Variants in PTPRG observed in about 807,000 individuals in gnomAD.
PTPRG encodes the protein receptor-type tyrosine-protein phosphatase gamma.
Under a neutral mutation model 165.3 loss-of-function variants are expected in PTPRG, and 102 were observed. That is an observed-to-expected ratio of 0.62 (90% CI 0.53 to 0.73). PTPRG has a LOEUF of 0.73. Ranked by LOEUF, PTPRG falls within the 30% of genes least tolerant of loss-of-function variation. The pLI, the probability that PTPRG is intolerant of heterozygous loss-of-function variation, is 0.00. For missense variants in PTPRG, 1,866 were observed against 1,861.4 expected (o/e 1.00, Z -0.05); for synonymous variants, 675 against 669.5 (o/e 1.01, Z -0.13).
chr3:62,006,146 G>A (rs1330326481), intron 4 of PTPRG, among the ~76,000 whole-genome samples: 1 of 152,116 alleles, frequency 6.6e-6, no homozygotes, highest in Non-Finnish European at 1.5e-5. Context: ...TTGTTTGGAT[G>A]TTTTTCTTTT....
intron 8 of PTPRG, among the ~76,000 whole-genome samples, chr3:62,188,789 A>G (rs536365256): frequency 2.0e-5 from 3 of 152,280 alleles, no homozygotes; most frequent in Non-Finnish European, 4.4e-5. Context: ...AGAATGAGGA[A>G]GATAAATAAG....
At chr3:62,164,213 A>G (rs1508400) in intron 7 of PTPRG, among the ~76,000 whole-genome samples, 2,742 of 152,264 alleles carry the variant, frequency 0.018, 36 homozygotes, top group Non-Finnish European at 0.03. Flanking sequence ...TGGTGGGCTT[A>G]TGGCACCTTT....
rs1463225452 is a variant in PTPRG at position 62,157,076 on chromosome 3, C to G, written c.692C>G (p.Thr231Ser). 6.2e-7 allele frequency: 1 copy of G among 1,604,362 alleles called. No homozygotes were observed. Among genetic ancestry groups the G allele is most frequent in the Admixed American group, 1.7e-5 (1 of 59,988 alleles). ...CTTTTTCCCCAAACAGAGAAGGAGACCTTTCTGGATCCTTTCGTCCTCCGG... is the reference window on the plus strand; with the variant it reads ...CTTTTTCCCCAAACAGAGAAGGAGAGCTTTCTGGATCCTTTCGTCCTCCGG... Reference protein sequence around the residue: ...LKGVVHHEKETFLDPFVLRDL... With the variant: ...LKGVVHHEKESFLDPFVLRDL... Residue 231 changes from threonine (T) to serine (S), a missense_variant, in exon 7 of 30, where the codon ACC becomes AGC. Transcript: ENST00000474889.
intron 5 of PTPRG, among the ~76,000 whole-genome samples, chr3:62,102,880 C>G (rs976267188): frequency 6.6e-6 from 1 of 151,064 alleles, no homozygotes; most frequent in Non-Finnish European, 1.5e-5. Flanking sequence ...CTCATGCCAT[C>G]ATCTAAATTG....
chr3:62,101,768 A>G (rs961766753), intron 5 of PTPRG, among the ~76,000 whole-genome samples: 1 of 152,222 alleles, frequency 6.6e-6, no homozygotes, highest in African/African-American at 2.4e-5. Context: ...CTTCCTGGGA[A>G]TGGAACCACA....
chr3:61,901,288 G>A (rs550421976), intron 2 of PTPRG, among the ~76,000 whole-genome samples: 109 of 152,326 alleles, frequency 7.2e-4, no homozygotes, highest in Non-Finnish European at 1.4e-3. Context: ...GCATCCTTCA[G>A]CAGTGTGTTA....
At chr3:61,982,435 T>C (rs115361166) in intron 2 of PTPRG, among the ~76,000 whole-genome samples, 131 of 152,272 alleles carry the variant, frequency 8.6e-4, no homozygotes, top group African/African-American at 3.0e-3. Context: ...TTGAAAGATA[T>C]AACTTTTAAA....
At chr3:62,174,385 G>A (rs1705334293) in intron 8 of PTPRG, among the ~76,000 whole-genome samples, 1 of 152,234 alleles carries the variant, frequency 6.6e-6, no homozygotes, top group African/African-American at 2.4e-5. Flanking sequence ...ACACCGGGCT[G>A]CCTGCATACC....
intron 1 of PTPRG, among the ~76,000 whole-genome samples, chr3:61,626,304 T>G (rs1701606998): frequency 1.3e-5 from 2 of 152,210 alleles, no homozygotes; most frequent in South Asian, 4.1e-4. Flanking sequence ...TTTTGTTTCT[T>G]TTCCCTCCCT....
At chr3:61,771,876 A>G (rs1033609911) in intron 2 of PTPRG, among the ~76,000 whole-genome samples, 2 of 151,804 alleles carry the variant, frequency 1.3e-5, no homozygotes, top group Admixed American at 6.6e-5. Flanking sequence ...CCTGGCCAAC[A>G]TGGTGAAAAC....
At chr3:61,894,552 A>T (rs1285486016) in intron 2 of PTPRG, among the ~76,000 whole-genome samples, 1 of 152,130 alleles carries the variant, frequency 6.6e-6, no homozygotes, top group African/African-American at 2.4e-5. Context: ...TCATTTTTCT[A>T]ACAGCTCTTA....
At chr3:61,865,731 A>G (rs1173890290) in intron 2 of PTPRG, among the ~76,000 whole-genome samples, 1 of 152,090 alleles carries the variant, frequency 6.6e-6, no homozygotes, top group Non-Finnish European at 1.5e-5. Context: ...CTCTCTTCAT[A>G]AATAACTTCA....
chr3:62,264,957 A>T (rs1002564029), intron 17 of PTPRG, among the ~76,000 whole-genome samples: 1 of 116,352 alleles, frequency 8.6e-6, no homozygotes, highest in Non-Finnish European at 1.8e-5. Context: ...AACTCTTACT[A>T]TTTAAAAAAA....
At chr3:61,967,840 A>G (rs1375805416) in intron 2 of PTPRG, among the ~76,000 whole-genome samples, 3 of 152,210 alleles carry the variant, frequency 2.0e-5, no homozygotes. Context: ...TATATAAACA[A>G]AAGCTTGTGT....
rs999825445 is a variant in PTPRG, at chr3:62,190,040, C to G, written c.1034-1429C>G. Among the ~76,000 whole-genome samples the G allele has an allele frequency of 6.6e-6, 1 of 152,176 alleles. No homozygotes were observed. Among genetic ancestry groups the G allele is most frequent in the African/African-American group, 2.4e-5 (1 of 41,438 alleles). The stretch of plus-strand genomic sequence containing the variant: ...CCCTGGGTGCCAAAGCCCGAGCCAC[C>G]TCTTCCTCTCCCTCCTCTCCCTCCA... On this transcript the variant is annotated intron_variant, in intron 8 of 29. Coordinates refer to ENST00000474889, the MANE Select transcript of PTPRG (RefSeq NM_002841.4). The surrounding 1 kb of genome is among the most constrained non-coding windows in gnomAD (Gnocchi z 5.2).
rs1433174389 is a variant in PTPRG at position 62,074,802 on chromosome 3, C to A, written c.520-3361C>A. Among the ~76,000 whole-genome samples the A allele has an allele frequency of 2.0e-5, 3 of 152,208 alleles. No individual in the cohort carries two copies. In the East Asian group the frequency reaches 5.8e-4, roughly 29 times the overall value. ...AGCCCAGAATGTTGAAGGGAGGGCT[C>A]TGGGCACAGTTCATTTTGAGGATAA... On this transcript the variant is annotated intron_variant, in intron 4 of 29. Transcript: ENST00000474889.
At chr3:61,565,855 G>A (rs1028008073) in intron 1 of PTPRG, among the ~76,000 whole-genome samples, 1 of 151,620 alleles carries the variant, frequency 6.6e-6, no homozygotes, top group African/African-American at 2.4e-5. Flanking sequence ...GTTCTGATGG[G>A]CATCCGTTAT....
At position 62,217,280 on chromosome 3, in the gene PTPRG, ACT is replaced by A. The variant is rs1473491375; in HGVS notation, c.2156-1568_2156-1567del. Among the ~76,000 whole-genome samples the A allele has an allele frequency of 6.6e-6, 1 of 151,754 alleles. No homozygotes were observed. The highest frequency in any genetic ancestry group is 2.4e-5 in the African/African-American group (1 of 41,256). Reference sequence around the variant, plus strand: ...AATCAGAGTGTGCTGCACCTACTTGACTCTGTCTTCTTACCTGTGAGCAGGGG... The same window carrying A: ...AATCAGAGTGTGCTGCACCTACTTGACTGTCTTCTTACCTGTGAGCAGGGG... On this transcript the variant is annotated intron_variant, in intron 12 of 29. Transcript: ENST00000474889. This position sits in a 1 kb window ranked among gnomAD's most constrained non-coding sequence, Gnocchi z 4.3.
intron 2 of PTPRG, among the ~76,000 whole-genome samples, chr3:61,936,308 A>C (rs555549850): frequency 1.4e-4 from 22 of 152,314 alleles, no homozygotes; most frequent in Admixed American, 3.3e-4. Flanking sequence ...TATCCTCTTT[A>C]AGTGAGGTGA....
Sources: allele counts gnomAD v4.1 joint callset (sites outside exome capture counted in the v4.1 genomes callset), GRCh38; gene constraint gnomAD v4.1.1; non-coding constraint Gnocchi (gnomAD v3.1); transcripts MANE v1.5; gene names NCBI Gene and HGNC (gene_info 2026-07-23, HGNC 2026-07-21).